Variants in KLHL24 observed in about 807,000 individuals in gnomAD.
The protein encoded by KLHL24 is kelch-like protein 24.
Under a neutral mutation model 53.4 loss-of-function variants are expected in KLHL24, and 29 were observed. That is an observed-to-expected ratio of 0.54 (90% confidence interval 0.40 to 0.74). The LOEUF (loss-of-function observed/expected upper bound fraction) is 0.74, where lower values mean the gene tolerates loss of function less well. KLHL24 is among the 30% of genes least tolerant of loss of function. KLHL24 has a pLI of 0.00. For synonymous variants in KLHL24, 222 were observed against 253.7 expected, an observed-to-expected ratio of 0.88 and a Z score of 1.19; for missense variants, 504 against 744.0, an observed-to-expected ratio of 0.68 and a Z score of 3.75.
intron 1 of KLHL24, chr3:183,636,413 G>A (rs891934938): frequency 2.0e-5 from 3 of 152,258 alleles, no homozygotes; most frequent in Non-Finnish European, 2.9e-5. Context: ...CGTCCCCTGC[G>A]AGCCTTTGTT....
chr3:183,671,763 T>C (rs926091999), intron 6 of KLHL24, among the ~76,000 whole-genome samples: 3 of 152,234 alleles, frequency 2.0e-5, no homozygotes, highest in African/African-American at 7.2e-5. Context: ...GAAAAAAGCA[T>C]CTAATGCCTA....
Position 183,650,082 on chromosome 3 carries a change from G to A in KLHL24, c.-61-214G>A, listed in dbSNP as rs1717915881. Among the ~76,000 whole-genome samples the A allele has an allele frequency of 6.6e-6, 1 of 152,138 alleles. No individual in the cohort carries two copies. On this transcript the variant is annotated intron_variant, in intron 2 of 7. Transcript: ENST00000242810. This position sits in a 1 kb window ranked among gnomAD's most constrained non-coding sequence, Gnocchi z 4.5. ...TAGTATCCTTTCAGCTAGAAAAGGG[G>A]AGCTTAAGGAGTACTATTGCAAATT... is the stretch of plus-strand genomic sequence containing the variant.
At chr3:183,655,450 A>G (rs753938316) in intron 3 of KLHL24, among the ~76,000 whole-genome samples, 2 of 151,682 alleles carry the variant, frequency 1.3e-5, no homozygotes, top group Non-Finnish European at 2.9e-5. Flanking sequence ...ACATAATGAC[A>G]CCCTGTTCCT....
chr3:183,653,751 T>G (rs1322487588), intron 3 of KLHL24, among the ~76,000 whole-genome samples: 1 of 152,168 alleles, frequency 6.6e-6, no homozygotes, highest in Non-Finnish European at 1.5e-5. Flanking sequence ...TTCTCATACT[T>G]GCTTTTGGAA....
rs1712573570 is a variant in KLHL24 at position 183,680,566 on chromosome 3, C to T, written c.*1280C>T. The T allele has an allele frequency of 1.3e-5, 2 of 152,126 alleles. No homozygotes were observed. Among genetic ancestry groups the T allele is most frequent in the South Asian group, 4.1e-4 (2 of 4,826 alleles). 9.4% of individuals were successfully genotyped at this position (152,126 alleles called of 1,614,324 possible). A position where few individuals can be genotyped will look rare whatever the true frequency, so the allele number is the denominator to read the frequency against. Reference sequence around the variant, plus strand: ...CTTTAAGGTAAGTCTTTCATTTGGTCCCCATTGTGTAAAATACTAATCAAC... The same window carrying T: ...CTTTAAGGTAAGTCTTTCATTTGGTTCCCATTGTGTAAAATACTAATCAAC... On this transcript the variant is annotated 3_prime_UTR_variant, in exon 8 of 8. Coordinates refer to ENST00000242810, the MANE Select transcript of KLHL24 (RefSeq NM_017644.3).
chr3:183,653,230 A>T (rs1225337728), intron 3 of KLHL24, among the ~76,000 whole-genome samples: 1 of 152,212 alleles, frequency 6.6e-6, no homozygotes, highest in Non-Finnish European at 1.5e-5. Flanking sequence ...ACGATAGCAG[A>T]TATTTATTTT....
At chr3:183,656,905 GAA>G (rs34835305) in intron 3 of KLHL24, among the ~76,000 whole-genome samples, 61 of 129,900 alleles carry the variant, frequency 4.7e-4, no homozygotes, top group African/African-American at 1.4e-3. Flanking sequence ...CCAGAAAAAG[GAA>G]AAAAAAAAAA....
chr3:183,660,333 G>T (rs955213333), intron 3 of KLHL24, among the ~76,000 whole-genome samples: 1 of 151,914 alleles, frequency 6.6e-6, no homozygotes, highest in Non-Finnish European at 1.5e-5. Flanking sequence ...ATCTCACTGT[G>T]TTGCTTAGGC....
chr3:183,640,682 C>G (rs892518579), intron 1 of KLHL24, among the ~76,000 whole-genome samples: 3 of 151,240 alleles, frequency 2.0e-5, no homozygotes, highest in Admixed American at 2.0e-4. Flanking sequence ...TCACTGCAAC[C>G]TCCGCCTCCT....
chr3:183,672,321 A>G lies in KLHL24; in HGVS notation c.1439A>G (p.Asn480Ser). Reference protein sequence around the residue: ...DKVQSYDPETNSWLLRAAIPI... With the variant: ...DKVQSYDPETSSWLLRAAIPI... ...GTTCAATCTTATGATCCAGAAACCA[A>G]TTCTTGGCTACTTCGTGCAGCTATC... Residue 480 changes from asparagine to serine, a missense_variant, in exon 7 of 8, where the codon AAT becomes AGT. By Grantham distance (46) the Asn-to-Ser change is conservative (BLOSUM62 1). Transcript: ENST00000242810. 4 of 1,600,280 alleles carry G rather than the reference A, an allele frequency of 2.5e-6. No homozygotes were observed. In the South Asian group the frequency reaches 4.5e-5, roughly 18 times the overall value.
chr3:183,658,545 T>C (rs948827419), intron 3 of KLHL24, among the ~76,000 whole-genome samples: 27 of 152,224 alleles, frequency 1.8e-4, no homozygotes, highest in African/African-American at 6.3e-4. Context: ...TCTTGTACAT[T>C]ATCTTTGCAT....
chr3:183,642,693 G>A (rs990762486), intron 1 of KLHL24, among the ~76,000 whole-genome samples: 31 of 150,892 alleles, frequency 2.1e-4, no homozygotes, highest in African/African-American at 4.9e-5. Context: ...AAGATTCAAG[G>A]CAGAAGAAAT....
intron 3 of KLHL24, among the ~76,000 whole-genome samples, chr3:183,660,170 C>T (rs1432306997): frequency 6.8e-6 from 1 of 148,030 alleles, no homozygotes; most frequent in African/African-American, 2.5e-5. Context: ...CTCCCTCTGT[C>T]ACCCAGCCTA....
chr3:183,678,239 A>G (rs537694656), intron 7 of KLHL24, among the ~76,000 whole-genome samples: 2 of 152,382 alleles, frequency 1.3e-5, no homozygotes, highest in South Asian at 2.1e-4. Context: ...AGACATTTCT[A>G]TGGCCCAGCC....
rs1717949241 is a variant in KLHL24, at chr3:183,650,298, A to C, written c.-59A>C. ...TGTTTTCCTTTTTTTACTTTTAGCC[A>C]CATAAAGAAGATCCCTAATAGTCAT... On this transcript the variant is annotated splice_region_variant and 5_prime_UTR_variant, in exon 3 of 8. Transcript: ENST00000242810. This position sits in a 1 kb window ranked among gnomAD's most constrained non-coding sequence, Gnocchi z 4.5. 7.4e-7 allele frequency: 1 copy of C among 1,359,928 alleles called. No homozygotes were observed. Among genetic ancestry groups the C allele is most frequent in the Admixed American group, 2.3e-5 (1 of 44,236 alleles). The allele number at this position is 1,359,928 out of a possible 1,614,324, so 84.2% of individuals were successfully genotyped here.
chr3:183,655,921 C>T lies in KLHL24; in HGVS notation c.920+4645C>T, dbSNP rs565605179. Among the ~76,000 whole-genome samples, 7 of 150,702 alleles carry T rather than the reference C, an allele frequency of 4.6e-5. No individual in the cohort carries two copies. In the East Asian group the frequency reaches 6.0e-4, roughly 13 times the overall value. ...ACTCCAGCCTGGCAACAGAGAGAGA[C>T]TCCTTTAAAAAAAAATTATTATTAA... is the stretch of plus-strand genomic sequence containing the variant. On this transcript the variant is annotated intron_variant, in intron 3 of 7. Coordinates refer to ENST00000242810, the MANE Select transcript of KLHL24 (RefSeq NM_017644.3).
intron 1 of KLHL24, among the ~76,000 whole-genome samples, chr3:183,641,782 A>G (rs376432270): frequency 6.6e-6 from 1 of 152,146 alleles, no homozygotes; most frequent in South Asian, 2.1e-4. Context: ...ACCTCATCGT[A>G]TAGAATTTCT....
chr3:183,659,668 C>T (rs575652983), intron 3 of KLHL24, among the ~76,000 whole-genome samples: 99 of 152,358 alleles, frequency 6.5e-4, no homozygotes, highest in African/African-American at 2.4e-3. Context: ...CCTCTTGCCT[C>T]TGCTTTTCTC....
At chr3:183,673,474 C>G (rs994509641) in intron 7 of KLHL24, among the ~76,000 whole-genome samples, 3 of 152,048 alleles carry the variant, frequency 2.0e-5, no homozygotes, top group African/African-American at 7.2e-5. Context: ...GGAATGTTCC[C>G]AAACTTGTTG....
Sources: gnomAD v4.1 joint callset for allele counts (sites outside exome capture counted in the v4.1 genomes callset) on GRCh38, gnomAD v4.1.1 for gene constraint, Gnocchi (gnomAD v3.1) non-coding constraint, MANE v1.5 for transcripts, NCBI Gene and HGNC (gene_info 2026-07-23, HGNC 2026-07-21) for gene names.